Variants in RAPGEF4 observed in about 807,000 individuals in gnomAD.
The protein encoded by RAPGEF4 is Rap guanine nucleotide exchange factor 4.
Under a neutral mutation model 147.9 loss-of-function variants are expected in RAPGEF4, and 66 were observed. The observed-to-expected ratio is 0.45, with a 90% CI of 0.37 to 0.55. The LOEUF is 0.55. Among genes scored for constraint, RAPGEF4 ranks in the 20% least tolerant of loss-of-function variants. The pLI, the probability that RAPGEF4 is intolerant of heterozygous loss-of-function variation, is 0.00. For missense variants in RAPGEF4, 1,071 were observed against 1,257.3 expected, an observed-to-expected ratio of 0.85 and a Z score of 2.24; for synonymous variants, 419 against 442.7, an observed-to-expected ratio of 0.95 and a Z score of 0.67.
chr2:172,859,563 T>A (rs1276295977), intron 4 of RAPGEF4, among the ~76,000 whole-genome samples: 61 of 152,352 alleles, frequency 4.0e-4, no homozygotes, highest in Non-Finnish European at 1.0e-4. Flanking sequence ...TAGCATTTTA[T>A]TCTTTGTATG....
chr2:172,759,680 CT>C (rs745364439), intron 1 of RAPGEF4, among the ~76,000 whole-genome samples: 35 of 152,202 alleles, frequency 2.3e-4, no homozygotes, highest in Non-Finnish European at 4.1e-4. Context: ...TGGTATGCCT[CT>C]GTAAATGAGT....
intron 10 of RAPGEF4, among the ~76,000 whole-genome samples, chr2:172,980,932 T>C (rs1458744955): frequency 6.6e-6 from 1 of 152,094 alleles, no homozygotes; most frequent in Non-Finnish European, 1.5e-5. Context: ...ACAGGTGTGT[T>C]CCAGCACACC....
intron 4 of RAPGEF4, among the ~76,000 whole-genome samples, chr2:172,819,656 G>T (rs2059425): frequency 6.7e-6 from 1 of 148,268 alleles, no homozygotes; most frequent in Non-Finnish European, 1.5e-5. Flanking sequence ...TAGTAGAGAC[G>T]GGGTTTCACC....
rs761832903 is a variant in RAPGEF4 at position 173,014,461 on chromosome 2, C to T, written c.1659-3C>T. 1 of 1,613,706 alleles carries T rather than the reference C, an allele frequency of 6.2e-7. No individual in the cohort carries two copies. Among genetic ancestry groups the T allele is most frequent in the South Asian group, 1.1e-5 (1 of 90,962 alleles). On this transcript the variant is annotated splice_polypyrimidine_tract_variant and splice_region_variant and intron_variant, in intron 17 of 30. Coordinates refer to ENST00000397081, the MANE Select transcript of RAPGEF4 (RefSeq NM_007023.4). ...CTCAATTTCTTCCTTGACTCCTCGG[C>T]ACCTACCACGCACAGCCTTCACAAG...
intron 1 of RAPGEF4, among the ~76,000 whole-genome samples, chr2:172,765,659 A>G (rs1696764250): frequency 6.6e-6 from 1 of 152,230 alleles, no homozygotes; most frequent in Non-Finnish European, 1.5e-5. Context: ...GGATCCAGCC[A>G]TGGCCAACGA....
At chr2:172,997,461 TG>T (rs113500063) in intron 16 of RAPGEF4, among the ~76,000 whole-genome samples, 16,021 of 152,186 alleles carry the variant, frequency 0.11, 1,387 homozygotes, top group African/African-American at 0.23. Context: ...CATATCTTTT[TG>T]GGGGGATACA....
At chr2:172,818,862 A>G (rs1688768801) in intron 4 of RAPGEF4, among the ~76,000 whole-genome samples, 1 of 152,188 alleles carries the variant, frequency 6.6e-6, no homozygotes, top group African/African-American at 2.4e-5. Flanking sequence ...GTATGCCCTC[A>G]GAGAACCACA....
chr2:172,754,869 C>T (rs1041173259), intron 1 of RAPGEF4, among the ~76,000 whole-genome samples: 15 of 152,098 alleles, frequency 9.9e-5, no homozygotes, highest in Non-Finnish European at 1.9e-4. Context: ...GGTGAAACCC[C>T]ATCTCTACTA....
intron 15 of RAPGEF4, among the ~76,000 whole-genome samples, chr2:172,996,141 A>G (rs1202939950): frequency 6.6e-6 from 1 of 152,164 alleles, no homozygotes; most frequent in East Asian, 1.9e-4. Flanking sequence ...TGGGTTTTAC[A>G]TGTTCCTTTT....
intron 9 of RAPGEF4, among the ~76,000 whole-genome samples, chr2:172,965,957 G>T (rs563577735): frequency 6.6e-6 from 1 of 152,228 alleles, no homozygotes. Context: ...TTATTAGTTT[G>T]CATTCACGGT....
chr2:172,904,535 A>G (rs1231795472), intron 4 of RAPGEF4, among the ~76,000 whole-genome samples: 1 of 152,212 alleles, frequency 6.6e-6, no homozygotes, highest in Non-Finnish European at 1.5e-5. Flanking sequence ...AGTGTGCACT[A>G]ACTAAAATTA....
At chr2:172,805,896 G>A (rs1347742983) in intron 3 of RAPGEF4, among the ~76,000 whole-genome samples, 1 of 152,040 alleles carries the variant, frequency 6.6e-6, no homozygotes, top group African/African-American at 2.4e-5. Context: ...TTTTTTCTCA[G>A]TAATATTTTA....
chr2:172,792,639 T>G (rs1685939515), intron 1 of RAPGEF4, among the ~76,000 whole-genome samples: 1 of 152,144 alleles, frequency 6.6e-6, no homozygotes, highest in Non-Finnish European at 1.5e-5. Flanking sequence ...GATGAAGAGC[T>G]TTTAAACTAA....
chr2:172,926,033 C>CAGAGGGAGGGAGGGAG (rs1685313499), intron 6 of RAPGEF4, among the ~76,000 whole-genome samples: 1 of 52,598 alleles, frequency 1.9e-5, no homozygotes, highest in African/African-American at 9.6e-5. Flanking sequence ...GAGGGAGGGA[C>CAGAGGGAGGGAGGGAG]GGAGGGAGGG....
rs13395872 is a variant in RAPGEF4 at position 173,015,465 on chromosome 2, G to A, written c.1809+851G>A. Among the ~76,000 whole-genome samples the A allele has an allele frequency of 9.0e-3, 1,370 of 152,218 alleles. 28 individuals are homozygous for A. The highest frequency in any genetic ancestry group is 0.031 in the African/African-American group (1,286 of 41,524). On this transcript the variant is annotated intron_variant, in intron 18 of 30. Coordinates refer to ENST00000397081, the MANE Select transcript of RAPGEF4 (RefSeq NM_007023.4). ...AAATTATCCAAAAGAAACATACACC[G>A]TCTCTCCTTTCTATTCATATCATTT...
chr2:172,924,505 G>T (rs1207285546), intron 6 of RAPGEF4, among the ~76,000 whole-genome samples: 1 of 152,186 alleles, frequency 6.6e-6, no homozygotes, highest in African/African-American at 2.4e-5. Context: ...TTGTAGGTCA[G>T]ATTCTATAGC....
chr2:172,851,155 T>C (rs1395555504), intron 4 of RAPGEF4, among the ~76,000 whole-genome samples: 2 of 152,234 alleles, frequency 1.3e-5, no homozygotes, highest in Admixed American at 6.5e-5. Flanking sequence ...TTGTTCTCGA[T>C]AGTGTCAAAG....
intron 6 of RAPGEF4, among the ~76,000 whole-genome samples, chr2:172,958,918 G>T (rs1689004005): frequency 6.6e-6 from 1 of 151,862 alleles, no homozygotes; most frequent in Non-Finnish European, 1.5e-5. Flanking sequence ...AATTTAAAAA[G>T]GTATATATTT....
chr2:172,953,115 G>C (rs1481685801), intron 6 of RAPGEF4, among the ~76,000 whole-genome samples: 1 of 151,828 alleles, frequency 6.6e-6, no homozygotes, highest in Admixed American at 6.6e-5. Flanking sequence ...CAAATAGTCA[G>C]ACTGCAGCCT....
Sources: allele counts gnomAD v4.1 joint callset (sites outside exome capture counted in the v4.1 genomes callset), GRCh38; gene constraint gnomAD v4.1.1; transcripts MANE v1.5; gene names NCBI Gene and HGNC (gene_info 2026-07-23, HGNC 2026-07-21).